The following MSH3 variants were observed in gnomAD, a reference collection of about 807,000 sequenced individuals.
MSH3 encodes DNA mismatch repair protein Msh3.
MSH3 carries 106 observed loss-of-function variants against 123.3 expected under a neutral mutation model. The observed-to-expected ratio is 0.86, with a 90% confidence interval of 0.73 to 1.01. The LOEUF is 1.01. MSH3 is among the 50% of genes least tolerant of loss of function. The probability of loss-of-function intolerance (pLI) is 0.00; values close to 1 mark genes in which losing one functional copy is unlikely to be tolerated. For synonymous variants in MSH3, 515 were observed against 481.4 expected, an observed-to-expected ratio of 1.07 and a Z score of -0.91; for missense variants, 1,459 against 1,347.6, an observed-to-expected ratio of 1.08 and a Z score of -1.29.
Position 80,808,898 on chromosome 5 carries a change from G to A in MSH3, c.2656-4686G>A, listed in dbSNP as rs1422739659. On this transcript the variant is annotated intron_variant, in intron 19 of 23. Transcript: ENST00000265081. ...ATATATATATACACAATCTAAATTC[G>A]AAGAGAGCAATATTTCTATTCATGT... is the stretch of plus-strand genomic sequence containing the variant. Among the ~76,000 whole-genome samples, 3 of 30,204 alleles carry A rather than the reference G, an allele frequency of 9.9e-5. No homozygotes were observed. In the South Asian group the frequency reaches 4.7e-3, roughly 47 times the overall value. The allele number at this position is 30,204 out of a possible 152,430, so 19.8% of individuals were successfully genotyped here.
intron 8 of MSH3, among the ~76,000 whole-genome samples, chr5:80,701,114 T>G (rs532616627): frequency 6.6e-6 from 1 of 152,342 alleles, no homozygotes; most frequent in African/African-American, 2.4e-5. Context: ...AATGATTTAT[T>G]ATTAGCATCT....
chr5:80,718,391 T>G (rs961832384), intron 8 of MSH3, among the ~76,000 whole-genome samples: 14 of 152,210 alleles, frequency 9.2e-5, no homozygotes, highest in African/African-American at 3.4e-4. Context: ...TAGCTGGGAC[T>G]ACAGGTGCAT....
intron 12 of MSH3, among the ~76,000 whole-genome samples, chr5:80,754,022 C>T (rs1743881991): frequency 1.3e-5 from 2 of 152,166 alleles, no homozygotes; most frequent in South Asian, 4.1e-4. Flanking sequence ...TTAGTGAATA[C>T]CTAGCAGTCT....
At chr5:80,788,232 G>A (rs1440763810) in intron 18 of MSH3, among the ~76,000 whole-genome samples, 1 of 151,072 alleles carries the variant, frequency 6.6e-6, no homozygotes, top group Non-Finnish European at 1.5e-5. Flanking sequence ...TTAAGGCATC[G>A]AGACCATCCT....
intron 20 of MSH3, among the ~76,000 whole-genome samples, chr5:80,824,154 T>C (rs1263298260): frequency 6.6e-6 from 1 of 152,230 alleles, no homozygotes; most frequent in African/African-American, 2.4e-5. Flanking sequence ...TTTCCCCCTT[T>C]TCTATTCCAC....
chr5:80,743,856 A>G lies in MSH3; in HGVS notation c.1654-650A>G. Among the ~76,000 whole-genome samples the G allele has an allele frequency of 1.3e-5, 2 of 150,686 alleles. 1 individual carries two copies. Among genetic ancestry groups the G allele is most frequent in the Non-Finnish European group, 3.0e-5 (2 of 67,750 alleles). On this transcript the variant is annotated intron_variant, in intron 11 of 23. Transcript: ENST00000265081. ...GAGACTCCGTCTCAAAAAAAAAAAA[A>G]AAAAAAAAAAAACCCAACTCAAGTG...
intron 12 of MSH3, among the ~76,000 whole-genome samples, chr5:80,751,971 C>T (rs1336790999): frequency 5.3e-5 from 8 of 151,942 alleles, no homozygotes; most frequent in African/African-American, 1.9e-4. Context: ...TTGTAAATAA[C>T]CATTGAATTT....
In MSH3 at chr5:80,692,222, T is replaced by TTAGA. The variant is rs753586820; in HGVS notation, c.1340+13136_1340+13139dup. 8.4e-4 allele frequency among the ~76,000 whole-genome samples: 42 copies of TTAGA among 50,060 alleles called. 2 individuals carry two copies. Among genetic ancestry groups the TTAGA allele is most frequent in the African/African-American group, 2.7e-3 (31 of 11,280 alleles). 32.8% of individuals were successfully genotyped at this position (50,060 alleles called of 152,430 possible). On this transcript the variant is annotated intron_variant, in intron 8 of 23. Coordinates refer to ENST00000265081, the MANE Select transcript of MSH3 (RefSeq NM_002439.5). ...TTTAGATAGATAAACATGTATATGT[T>TTAGA]TAGATAGATAAACATGTATATGTTT...
At chr5:80,864,182 G>T (rs1746061199) in intron 21 of MSH3, among the ~76,000 whole-genome samples, 1 of 152,088 alleles carries the variant, frequency 6.6e-6, no homozygotes, top group South Asian at 2.1e-4. Context: ...GATATGTAGG[G>T]CATGACTCCC....
At chr5:80,836,965 A>G (rs245375) in intron 20 of MSH3, among the ~76,000 whole-genome samples, 131,155 of 152,108 alleles carry the variant, frequency 0.86, 56,626 homozygotes, top group East Asian at 1. Flanking sequence ...CGTGTGTTAG[A>G]GATGGCAAGG....
At position 80,654,908 on chromosome 5, in the gene MSH3, G is replaced by GCAGCGGCCC; in HGVS notation, c.186_187insGCCCCAGCG (p.Ala62_Pro63insAlaProAla). On this transcript the variant is annotated inframe_insertion, in exon 1 of 24. Transcript: ENST00000265081. ...AGCGGCTGCAGCGGCCGCAGCGGCC[G>GCAGCGGCCC]CAGCGCCCCCAGCGCCCCCAGCTCC... 6.5e-7 allele frequency: 1 copy of GCAGCGGCCC among 1,538,992 alleles called. No individual in the cohort carries two copies. Among genetic ancestry groups the GCAGCGGCCC allele is most frequent in the Non-Finnish European group, 8.7e-7 (1 of 1,147,716 alleles).
Position 80,654,721 on chromosome 5 carries a change from C to T in MSH3, c.-7C>T. On this transcript the variant is annotated 5_prime_UTR_variant, in exon 1 of 24. Transcript: ENST00000265081. ...CCCTGCCGCCGGGCTGCCATCCTTG[C>T]CCTGCCATGTCTCGCCGGAAGCCTG... 1.9e-6 allele frequency: 3 copies of T among 1,594,038 alleles called. No homozygotes were observed. In the South Asian group the frequency reaches 3.3e-5, roughly 18 times the overall value.
intron 15 of MSH3, among the ~76,000 whole-genome samples, chr5:80,773,770 C>T (rs1020045157): frequency 1.3e-5 from 2 of 151,936 alleles, no homozygotes; most frequent in Non-Finnish European, 2.9e-5. Flanking sequence ...TTTTGTTTTT[C>T]TTTTTGTTTT....
chr5:80,834,628 ATACT>A (rs1341809470), intron 20 of MSH3, among the ~76,000 whole-genome samples: 2 of 77,072 alleles, frequency 2.6e-5, no homozygotes, highest in African/African-American at 8.5e-5. Context: ...TTTAGTTTAA[ATACT>A]TAATAAAAAT....
At position 80,740,839 on chromosome 5, in the gene MSH3, C is replaced by T. The variant is rs185092324; in HGVS notation, c.1569-625C>T. On this transcript the variant is annotated intron_variant, in intron 10 of 23. Coordinates refer to ENST00000265081, the MANE Select transcript of MSH3 (RefSeq NM_002439.5). ...AAGTGATTCTTGTGCTTCAGCCTCC[C>T]GAGTACCTGGGACTACAGGTTCGTG... Among the ~76,000 whole-genome samples, 236 of 151,944 alleles carry T rather than the reference C, an allele frequency of 1.6e-3. 2 individuals carry two copies. Among genetic ancestry groups the T allele is most frequent in the African/African-American group, 5.0e-3 (207 of 41,448 alleles).
intron 12 of MSH3, among the ~76,000 whole-genome samples, chr5:80,754,771 G>A (rs564311831): frequency 6.6e-6 from 1 of 152,248 alleles, no homozygotes; most frequent in South Asian, 2.1e-4. Context: ...AGTGGTCAAT[G>A]TTCTCTACAT....
chr5:80,811,034 A>T (rs941770504), intron 19 of MSH3, among the ~76,000 whole-genome samples: 3 of 98,816 alleles, frequency 3.0e-5, no homozygotes, highest in Admixed American at 9.4e-5. Context: ...TTTCAAGATA[A>T]AAAAAAAATT....
At position 80,860,232 on chromosome 5, in the gene MSH3, C is replaced by T. The variant is rs570462581; in HGVS notation, c.3001-4581C>T. 1.6e-4 allele frequency among the ~76,000 whole-genome samples: 25 copies of T among 152,216 alleles called. No individual in the cohort carries two copies. In the East Asian group the frequency reaches 2.9e-3, roughly 18 times the overall value. ...AAAAGTTTTTCGCCTTCACTGGTTC[C>T]TTCTTCAATGCTGCACTTTTCTTTA... is the stretch of plus-strand genomic sequence containing the variant. On this transcript the variant is annotated intron_variant, in intron 21 of 23. Coordinates refer to ENST00000265081, the MANE Select transcript of MSH3 (RefSeq NM_002439.5).
intron 20 of MSH3, among the ~76,000 whole-genome samples, chr5:80,814,899 T>C (rs1002890976): frequency 3.9e-5 from 6 of 152,248 alleles, no homozygotes; most frequent in Non-Finnish European, 5.9e-5. Context: ...CTAAGGAGAA[T>C]TCGTAGTTTA....
Sources: allele counts gnomAD v4.1 joint callset (sites outside exome capture counted in the v4.1 genomes callset), GRCh38; gene constraint gnomAD v4.1.1; transcripts MANE v1.5; gene names NCBI Gene and HGNC (gene_info 2026-07-23, HGNC 2026-07-21).